The following YWHAQ variants were observed in gnomAD, a reference collection of about 807,000 sequenced individuals.
YWHAQ encodes 14-3-3 protein theta.
YWHAQ carries 6 observed loss-of-function variants against 28.3 expected under a neutral mutation model. The ratio of observed to expected loss-of-function variants is 0.21; its 90% CI spans 0.12 to 0.42. The LOEUF is 0.42. Ranked by LOEUF, YWHAQ falls within the 10% of genes least tolerant of loss-of-function variation. The probability of loss-of-function intolerance (pLI) is 1.00; values close to 1 mark genes in which losing one functional copy is unlikely to be tolerated. For missense variants in YWHAQ, 201 were observed against 305.6 expected (o/e 0.66, Z 2.55); for synonymous variants, 143 against 119.1 (o/e 1.20, Z -1.31).
intron 2 of YWHAQ, 58 bp from the exon 3 acceptor site, chr2:9,591,573 T>C: frequency 1.3e-6 from 2 of 1,546,636 alleles, no homozygotes; most frequent in Non-Finnish European, 1.8e-6. Context: ...TGCATTATCA[T>C]TAAATGATAA....
At chr2:9,588,757 C>T (rs1277839689) in intron 3 of YWHAQ, among the ~76,000 whole-genome samples, 1 of 151,944 alleles carries the variant, frequency 6.6e-6, no homozygotes, top group Non-Finnish European at 1.5e-5. Flanking sequence ...GGCAACAGAA[C>T]GATACTCTGT....
chr2:9,617,380 A>G (rs1667059220), intron 2 of YWHAQ, among the ~76,000 whole-genome samples: 1 of 152,204 alleles, frequency 6.6e-6, no homozygotes, highest in Admixed American at 6.5e-5. Context: ...ACACAAAAAG[A>G]CAACTATTCT....
chr2:9,596,610 G>T lies in YWHAQ; in HGVS notation c.295-5095C>A, dbSNP rs79109297. Among the ~76,000 whole-genome samples, 24 of 152,212 alleles carry T rather than the reference G, an allele frequency of 1.6e-4. 1 individual carries two copies. In the East Asian group the frequency reaches 4.2e-3, roughly 27 times the overall value. Reference sequence around the variant, plus strand: ...CTCTAACTTTAGGATACACATATCAGTCATTATTTCTATATTATCAGTTAA... The same window carrying T: ...CTCTAACTTTAGGATACACATATCATTCATTATTTCTATATTATCAGTTAA... On this transcript the variant is annotated intron_variant, in intron 2 of 5. Coordinates refer to ENST00000238081, the MANE Select transcript of YWHAQ (RefSeq NM_006826.4).
intron 3 of YWHAQ, among the ~76,000 whole-genome samples, chr2:9,590,107 C>T (rs367920399): frequency 6.6e-6 from 1 of 152,182 alleles, no homozygotes; most frequent in South Asian, 2.1e-4. Flanking sequence ...ATCTATGAAT[C>T]GCAGCCTATC....
rs1348337204 is a variant in YWHAQ, at chr2:9,585,350, A to C, written c.679-5T>G. 5.0e-6 allele frequency: 8 copies of C among 1,614,114 alleles called. No individual in the cohort carries two copies. The highest frequency in any genetic ancestry group is 6.8e-6 in the Non-Finnish European group (8 of 1,179,980). On this transcript the variant is annotated splice_region_variant and splice_polypyrimidine_tract_variant and intron_variant, in intron 5 of 5. Transcript: ENST00000238081. ...TGCACTGTCTGATGTCCAAAGCTAG[A>C]AAAAGAAGAATCATATTAAGTTACT...
intron 2 of YWHAQ, among the ~76,000 whole-genome samples, chr2:9,607,925 C>T (rs1013633671): frequency 6.6e-6 from 1 of 151,884 alleles, no homozygotes; most frequent in African/African-American, 2.4e-5. Context: ...GTCAGCCAGG[C>T]TGGTCTCGAA....
chr2:9,593,003 A>G (rs187058404), intron 2 of YWHAQ, among the ~76,000 whole-genome samples: 15 of 152,316 alleles, frequency 9.8e-5, no homozygotes, highest in African/African-American at 3.6e-4. Context: ...TCCTTTTTAC[A>G]TTTTGGAAAA....
intron 2 of YWHAQ, among the ~76,000 whole-genome samples, chr2:9,608,687 G>A (rs754612854): frequency 3.9e-5 from 6 of 152,312 alleles, no homozygotes; most frequent in Non-Finnish European, 7.3e-5. Flanking sequence ...GATGGCTCAC[G>A]CCTGTAATCC....
intron 2 of YWHAQ, among the ~76,000 whole-genome samples, chr2:9,616,994 T>C (rs2125071777): frequency 6.6e-6 from 1 of 152,310 alleles, no homozygotes; most frequent in Admixed American, 6.5e-5. Context: ...AGAGTCTTAC[T>C]CTGTTGCCCA....
At chr2:9,588,395 A>G (rs952011580) in intron 3 of YWHAQ, 67 bp from the exon 4 acceptor site, 119 of 1,528,002 alleles carry the variant, frequency 7.8e-5, no homozygotes, top group Non-Finnish European at 9.1e-5. Context: ...TACATTAACA[A>G]CTTGAACATA....
intron 2 of YWHAQ, among the ~76,000 whole-genome samples, chr2:9,604,886 C>T (rs1666788110): frequency 6.6e-6 from 1 of 152,166 alleles, no homozygotes; most frequent in African/African-American, 2.4e-5. Context: ...AATGTTTTCT[C>T]AGTTATTTTT....
At chr2:9,622,714 G>C (rs1272723432) in intron 2 of YWHAQ, among the ~76,000 whole-genome samples, 1 of 152,124 alleles carries the variant, frequency 6.6e-6, no homozygotes, top group Non-Finnish European at 1.5e-5. Flanking sequence ...TGTTTCATCT[G>C]TATTCCCCCA....
chr2:9,628,191 C>T (rs970903194), intron 2 of YWHAQ, among the ~76,000 whole-genome samples: 11 of 152,186 alleles, frequency 7.2e-5, no homozygotes, highest in Non-Finnish European at 2.9e-5. Context: ...CCACCAAGCC[C>T]CAGTTAGCCT....
intron 2 of YWHAQ, among the ~76,000 whole-genome samples, chr2:9,609,729 G>A (rs760652868): frequency 2.2e-4 from 33 of 152,212 alleles, no homozygotes; most frequent in Admixed American, 1.6e-3. Context: ...AAACAATCAA[G>A]TAAGTATCTT....
chr2:9,609,627 C>T (rs1000846862), intron 2 of YWHAQ, among the ~76,000 whole-genome samples: 3 of 151,854 alleles, frequency 2.0e-5, no homozygotes, highest in Admixed American at 1.3e-4. Flanking sequence ...TTGCAGAATG[C>T]CAAAGACAAG....
chr2:9,599,019 C>T (rs1666634345), intron 2 of YWHAQ, among the ~76,000 whole-genome samples: 1 of 152,170 alleles, frequency 6.6e-6, no homozygotes, highest in Admixed American at 6.5e-5. Context: ...ATTAAAAGTG[C>T]TACCCCAGTG....
chr2:9,630,757 G>A lies in YWHAQ; in HGVS notation c.-83+184C>T. On this transcript the variant is annotated intron_variant, in intron 1 of 5. Transcript: ENST00000238081. The surrounding 1 kb of genome is among the most constrained non-coding windows in gnomAD (Gnocchi z 5.6). ...CGCGCAGGGAGCCCGAGCCGCGGCC[G>A]CTCCCGCCACCCCCGCCCGGCCGGC... 1 of 151,542 alleles carries A rather than the reference G, an allele frequency of 6.6e-6. No individual in the cohort carries two copies. The highest frequency in any genetic ancestry group is 1.5e-5 in the Non-Finnish European group (1 of 68,352). The allele number at this position is 151,542 out of a possible 1,614,324, so 9.4% of individuals were successfully genotyped here.
At chr2:9,592,054 C>G (rs1384408995) in intron 2 of YWHAQ, among the ~76,000 whole-genome samples, 1 of 151,952 alleles carries the variant, frequency 6.6e-6, no homozygotes, top group Non-Finnish European at 1.5e-5. Context: ...TAGAAATGCA[C>G]CAAACAGAAA....
rs1191841762 is a variant in YWHAQ at position 9,588,213 on chromosome 2, G to A, written c.534C>T (p.Tyr178=). The change falls in exon 4 of 6, where the codon TAC becomes TAT. Residue 178 remains tyrosine, a synonymous_variant. Coordinates refer to ENST00000238081, the MANE Select transcript of YWHAQ (RefSeq NM_006826.4). ...GCTCTGGGTTATTAAGAATCTCATA[G>A]TAAAATACAGAAAAGTTAAGAGCAA... The part of the protein sequence containing the change: ...LGLALNFSVF[Y]YEILNNPELA... 1.2e-5 allele frequency: 19 copies of A among 1,596,250 alleles called. No individual in the cohort carries two copies. Among genetic ancestry groups the A allele is most frequent in the Non-Finnish European group, 1.6e-5 (19 of 1,174,474 alleles).
Sources: allele counts gnomAD v4.1 joint callset (sites outside exome capture counted in the v4.1 genomes callset), GRCh38; gene constraint gnomAD v4.1.1; non-coding constraint Gnocchi (gnomAD v3.1); transcripts MANE v1.5; gene names NCBI Gene and HGNC (gene_info 2026-07-23, HGNC 2026-07-21).